FRMD3: variants seen among roughly 807,000 people sequenced by gnomAD.
The protein encoded by FRMD3 is FERM domain-containing protein 3.
A neutral mutation model predicts 70.2 loss-of-function variants in FRMD3; 33 were observed. The ratio of observed to expected loss-of-function variants is 0.47; its 90% CI spans 0.36 to 0.63. FRMD3 has a LOEUF of 0.63. Among genes scored for constraint, FRMD3 ranks in the 20% least tolerant of loss-of-function variants. The pLI is 0.00. For missense variants in FRMD3, 632 were observed against 711.4 expected (o/e 0.89, Z 1.27); for synonymous variants, 279 against 255.9 (o/e 1.09, Z -0.86).
the FRMD3 span, among the ~76,000 whole-genome samples, chr9:83,585,006 G>T: frequency 6.6e-6 from 1 of 152,170 alleles, no homozygotes; most frequent in South Asian, 2.1e-4. Flanking sequence ...TTAAGTCTGA[G>T]GTTTCTTAAA....
the FRMD3 span, among the ~76,000 whole-genome samples, chr9:83,552,592 G>A: frequency 5.9e-5 from 9 of 151,980 alleles, no homozygotes; most frequent in East Asian, 1.9e-4. Flanking sequence ...ATTATTTTGC[G>A]GGAGTCTCTG....
chr9:83,349,369 C>G (rs3905326), intron 4 of FRMD3, among the ~76,000 whole-genome samples: 6,310 of 152,232 alleles, frequency 0.041, 204 homozygotes, highest in East Asian at 0.18. Flanking sequence ...TATGAATTTG[C>G]CCATGTCTCG....
intron 12 of FRMD3, among the ~76,000 whole-genome samples, chr9:83,296,874 G>A (rs145008872): frequency 2.0e-5 from 3 of 152,190 alleles, no homozygotes; most frequent in East Asian, 1.9e-4. Flanking sequence ...TCAAAGTATG[G>A]CCCATGGACC....
In FRMD3 at chr9:83,537,731, A is replaced by T. The variant is rs1396705641; in HGVS notation, c.147+354T>A. Among the ~76,000 whole-genome samples, 6 of 152,184 alleles carry T rather than the reference A, an allele frequency of 3.9e-5. No individual in the cohort carries two copies. Among genetic ancestry groups the T allele is most frequent in the Admixed American group, 2.6e-4 (4 of 15,286 alleles). On this transcript the variant is annotated intron_variant, in intron 1 of 13. Coordinates refer to ENST00000304195, the MANE Select transcript of FRMD3 (RefSeq NM_174938.6). The surrounding 1 kb of genome is among the most constrained non-coding windows in gnomAD (Gnocchi z 4.1). ...TGGGCGACATGCAGGTGCCCCTCTCAGCCCTCGGAGCTCCCATCTCCTGGC... is the reference window on the plus strand; with the variant it reads ...TGGGCGACATGCAGGTGCCCCTCTCTGCCCTCGGAGCTCCCATCTCCTGGC...
At chr9:83,494,721 T>C (rs538343124) in intron 1 of FRMD3, among the ~76,000 whole-genome samples, 1 of 152,212 alleles carries the variant, frequency 6.6e-6, no homozygotes, top group East Asian at 1.9e-4. Flanking sequence ...CTGGGCAACA[T>C]AGTGAGACCC....
In FRMD3 at chr9:83,248,445, C is replaced by G; in HGVS notation, c.1267G>C (p.Glu423Gln). Residue 423 changes from glutamate (E) to glutamine (Q), a missense_variant, in exon 14 of 14, where the codon GAG becomes CAG. By Grantham distance (29) the Glu-to-Gln change is conservative. This residue lies in a region of FRMD3 where 418 missense variants were observed against 442.1 expected (regional missense o/e 0.95). Coordinates refer to ENST00000304195, the MANE Select transcript of FRMD3 (RefSeq NM_174938.6). Reference sequence around the variant, plus strand: ...TCTTCACTAGGGGGATCTTCATACTCCCGGGCTGCCTTCACTGGGGAGCTG... The same window carrying G: ...TCTTCACTAGGGGGATCTTCATACTGCCGGGCTGCCTTCACTGGGGAGCTG... ...ISSSPVKAAR[E>Q]YEDPPSEEED... The G allele has an allele frequency of 6.2e-7, 1 of 1,614,038 alleles. No homozygotes were observed.
At chr9:83,369,577 A>AAAATAAATAAAT (rs138276429) in intron 3 of FRMD3, among the ~76,000 whole-genome samples, 288 of 142,164 alleles carry the variant, frequency 2.0e-3, no homozygotes, top group African/African-American at 3.0e-3. Flanking sequence ...ACTCTGTCTC[A>AAAATAAATAAAT]AAATAAATAA....
At chr9:83,338,197 A>G (rs1823640856) in intron 5 of FRMD3, among the ~76,000 whole-genome samples, 1 of 152,140 alleles carries the variant, frequency 6.6e-6, no homozygotes, top group South Asian at 2.1e-4. Context: ...GCAAACCAAA[A>G]CAAGATGTTA....
chr9:83,529,488 C>A, intron 1 of FRMD3, among the ~76,000 whole-genome samples: 2 of 152,104 alleles, frequency 1.3e-5, no homozygotes, highest in East Asian at 3.8e-4. Flanking sequence ...TTATGGTATG[C>A]AAACTATGTA....
chr9:83,248,148 T>G lies in FRMD3; in HGVS notation c.1564A>C (p.Asn522His), dbSNP rs1481357281. The change falls in exon 14 of 14, where the codon AAC becomes CAC. Residue 522 changes from asparagine (N) to histidine (H), a missense_variant. Physicochemically the swap from Asn to His is moderately conservative, Grantham distance 68 (BLOSUM62 1). This residue lies in a region of FRMD3 where 418 missense variants were observed against 442.1 expected (regional missense o/e 0.95). Transcript: ENST00000304195. The stretch of plus-strand genomic sequence containing the variant: ...CTGGAAAAACTCTTGACCAGTGGGT[T>G]CACCCGAATATGGCCAGTCAGAATG... The part of the protein sequence containing the change: ...YDILTGHIRV[N>H]PLVKSFSRLL... The G allele has an allele frequency of 6.2e-7, 1 of 1,614,042 alleles. No individual in the cohort carries two copies. The highest frequency in any genetic ancestry group is 8.5e-7 in the Non-Finnish European group (1 of 1,180,046).
chr9:83,272,465 C>T (rs944572176), intron 13 of FRMD3, among the ~76,000 whole-genome samples: 1 of 152,130 alleles, frequency 6.6e-6, no homozygotes, highest in African/African-American at 2.4e-5. Flanking sequence ...ACAACCTCCA[C>T]CTCCCAGCCG....
chr9:83,519,329 A>G (rs1318480184), intron 1 of FRMD3, among the ~76,000 whole-genome samples: 1 of 152,242 alleles, frequency 6.6e-6, no homozygotes, highest in African/African-American at 2.4e-5. Flanking sequence ...AAAGTGGGCA[A>G]GGGATATGAA....
At chr9:83,356,315 G>A (rs749960663) in intron 3 of FRMD3, among the ~76,000 whole-genome samples, 26 of 118,242 alleles carry the variant, frequency 2.2e-4, no homozygotes, top group Non-Finnish European at 3.4e-4. Context: ...TTGCTCTGTC[G>A]CCCAGGCTGG....
chr9:83,458,389 A>G lies in FRMD3; in HGVS notation c.148-68681T>C, dbSNP rs574713503. On this transcript the variant is annotated intron_variant, in intron 1 of 13. Transcript: ENST00000304195. Reference sequence around the variant, plus strand: ...GGCCAAAGAGTCCATTGACAGGCATATCTGTTGGATCACATACCATGACTG... The same window carrying G: ...GGCCAAAGAGTCCATTGACAGGCATGTCTGTTGGATCACATACCATGACTG... Among the ~76,000 whole-genome samples, 6 of 152,378 alleles carry G rather than the reference A, an allele frequency of 3.9e-5. No individual in the cohort carries two copies. In the South Asian group the frequency reaches 1.0e-3, roughly 26 times the overall value.
chr9:83,315,691 T>C (rs1432800703), intron 6 of FRMD3, among the ~76,000 whole-genome samples: 1 of 152,218 alleles, frequency 6.6e-6, no homozygotes, highest in Non-Finnish European at 1.5e-5. Flanking sequence ...TGTGAGCCAA[T>C]TAAACCTCTT....
chr9:83,258,342 CCT>C (rs1832821324), intron 13 of FRMD3, among the ~76,000 whole-genome samples: 1 of 152,238 alleles, frequency 6.6e-6, no homozygotes, highest in African/African-American at 2.4e-5. Flanking sequence ...CAGAAACCAG[CCT>C]CTCTGTTAAC....
At chr9:83,438,398 C>G (rs910805816) in intron 1 of FRMD3, among the ~76,000 whole-genome samples, 11 of 124,848 alleles carry the variant, frequency 8.8e-5, no homozygotes, top group African/African-American at 3.5e-4. Flanking sequence ...CTACCTGTCT[C>G]AGAAGAGAGT....
At chr9:83,437,035 A>C (rs531976324) in intron 1 of FRMD3, among the ~76,000 whole-genome samples, 1 of 152,332 alleles carries the variant, frequency 6.6e-6, no homozygotes, top group East Asian at 1.9e-4. Context: ...TGGTTCCACC[A>C]TGTAAAATCC....
At chr9:83,440,054 G>T (rs1283080340) in intron 1 of FRMD3, among the ~76,000 whole-genome samples, 1 of 152,158 alleles carries the variant, frequency 6.6e-6, no homozygotes, top group Non-Finnish European at 1.5e-5. Context: ...ACAAAAACCA[G>T]AAGAAGTCTT....
Sources: allele counts gnomAD v4.1 joint callset (sites outside exome capture counted in the v4.1 genomes callset), GRCh38; gene constraint gnomAD v4.1.1; regional missense constraint gnomAD v4.1.1; non-coding constraint Gnocchi (gnomAD v3.1); transcripts MANE v1.5; gene names NCBI Gene and HGNC (gene_info 2026-07-23, HGNC 2026-07-21).